NUF2: variants seen among roughly 807,000 people sequenced by gnomAD.
NUF2 encodes the protein NUF2 component of NDC80 kinetochore complex, also known as kinetochore protein Nuf2.
In NUF2, 34 loss-of-function variants were observed where a neutral mutation model predicts 61.8. That is an observed-to-expected ratio of 0.55 (90% confidence interval 0.42 to 0.73). NUF2 has a LOEUF of 0.73. NUF2 is among the 30% of genes least tolerant of loss of function. NUF2 has a pLI of 0.00. For synonymous variants in NUF2, 172 were observed against 181.6 expected (o/e 0.95, Z 0.42); for missense variants, 445 against 539.1 (o/e 0.83, Z 1.73).
intron 9 of NUF2, among the ~76,000 whole-genome samples, chr1:163,342,346 T>A (rs1278056250): frequency 6.6e-6 from 1 of 152,162 alleles, no homozygotes; most frequent in African/African-American, 2.4e-5. Flanking sequence ...CACTTTGTAC[T>A]TATTAAGTTT....
chr1:163,328,456 A>C, intron 4 of NUF2, 152 bp downstream of exon 4: 1 of 533,282 alleles, frequency 1.9e-6, no homozygotes, highest in Non-Finnish European at 3.3e-6. Flanking sequence ...TCAAAATTGT[A>C]GACTGTCATC....
At chr1:163,324,882 G>GTGTCT (rs1553230281) in intron 1 of NUF2, among the ~76,000 whole-genome samples, 1 of 69,598 alleles carries the variant, frequency 1.4e-5, no homozygotes, top group Non-Finnish European at 3.2e-5. Flanking sequence ...CTAGGACAAG[G>GTGTCT]TTTCTTTTCT....
chr1:163,352,722 C>T (rs902676503), intron 13 of NUF2, among the ~76,000 whole-genome samples: 11 of 152,068 alleles, frequency 7.2e-5, no homozygotes, highest in South Asian at 2.1e-4. Context: ...AAAAATTAGC[C>T]GGGCGTGGTG....
At chr1:163,337,665 C>A (rs1486035709) in intron 6 of NUF2, among the ~76,000 whole-genome samples, 2 of 152,054 alleles carry the variant, frequency 1.3e-5, no homozygotes, top group Non-Finnish European at 2.9e-5. Context: ...TTCTTCCCAG[C>A]CATTACCCAA....
chr1:163,348,539 AGG>A (rs1321926608), intron 12 of NUF2, among the ~76,000 whole-genome samples: 2 of 152,142 alleles, frequency 1.3e-5, no homozygotes, highest in Non-Finnish European at 2.9e-5. Context: ...CAGATGAAAA[AGG>A]GCAGAACTTA....
intron 5 of NUF2, among the ~76,000 whole-genome samples, chr1:163,329,958 A>T (rs777792666): frequency 3.9e-5 from 6 of 152,194 alleles, no homozygotes; most frequent in Non-Finnish European, 5.9e-5. Context: ...TGCAAAGCCT[A>T]CACAGCTATA....
intron 9 of NUF2, among the ~76,000 whole-genome samples, chr1:163,342,271 A>G (rs768015133): frequency 3.9e-5 from 6 of 152,010 alleles, no homozygotes; most frequent in Non-Finnish European, 7.4e-5. Flanking sequence ...TCTGAGTAGT[A>G]CTTACTATGG....
chr1:163,346,300 G>GTC (rs1203246759), intron 11 of NUF2: 2 of 152,012 alleles, frequency 1.3e-5, no homozygotes, highest in African/African-American at 2.4e-5. Context: ...TGTGAATGTG[G>GTC]TCTCTCTCTC....
chr1:163,329,820 G>A (rs1475083871), intron 5 of NUF2, among the ~76,000 whole-genome samples: 2 of 152,158 alleles, frequency 1.3e-5, no homozygotes, highest in Non-Finnish European at 2.9e-5. Context: ...AGTAGCCTTG[G>A]TGAATGAATA....
At chr1:163,333,050 C>A (rs1650649330) in intron 5 of NUF2, among the ~76,000 whole-genome samples, 1 of 152,130 alleles carries the variant, frequency 6.6e-6, no homozygotes, top group Admixed American at 6.5e-5. Flanking sequence ...GTTCTTTGAA[C>A]TGTTGATAGA....
At chr1:163,338,271 C>G (rs550156722) in intron 7 of NUF2, among the ~76,000 whole-genome samples, 178 bp downstream of exon 7, 22 of 143,790 alleles carry the variant, frequency 1.5e-4, no homozygotes, top group Admixed American at 7.6e-4. Context: ...AGTTTTTCTT[C>G]TAACTCTTAA....
intron 10 of NUF2, among the ~76,000 whole-genome samples, chr1:163,345,153 GA>G (rs1651080698): frequency 6.6e-6 from 1 of 151,902 alleles, no homozygotes; most frequent in South Asian, 2.1e-4. Context: ...GTAAGAAAAA[GA>G]AAAAAATAAG....
intron 7 of NUF2, 117 bp from the exon 8 acceptor site, chr1:163,339,264 G>A: frequency 1.6e-6 from 1 of 634,350 alleles, no homozygotes; most frequent in Non-Finnish European, 2.8e-6. Flanking sequence ...ATGAAAGGGT[G>A]TAATTCAGAA....
At chr1:163,349,161 T>A (rs1327072842) in intron 13 of NUF2, 81 bp downstream of exon 13, 8 of 1,211,668 alleles carry the variant, frequency 6.6e-6, no homozygotes, top group Non-Finnish European at 9.2e-6. Flanking sequence ...ACAGCTTACT[T>A]GGTCTCTGTG....
At chr1:163,335,552 G>T (rs539787686) in intron 5 of NUF2, among the ~76,000 whole-genome samples, 1 of 151,492 alleles carries the variant, frequency 6.6e-6, no homozygotes, top group African/African-American at 2.4e-5. Flanking sequence ...TGACTTTTAG[G>T]TGTTTGTTTT....
In NUF2 at chr1:163,326,191, T is replaced by A; in HGVS notation, c.123+17T>A. The A allele has an allele frequency of 6.2e-7, 1 of 1,610,036 alleles. No individual in the cohort carries two copies. Among genetic ancestry groups the A allele is most frequent in the Admixed American group, 1.7e-5 (1 of 59,784 alleles). ...AATCCAAAGGTAAAAGGTGGTTACG[T>A]TTGCATGTGGATAATGGTATTTAGG... On this transcript the variant is annotated intron_variant, in intron 2 of 13. Transcript: ENST00000271452.
intron 6 of NUF2, among the ~76,000 whole-genome samples, chr1:163,337,633 C>T (rs750917693): frequency 6.6e-6 from 1 of 152,088 alleles, no homozygotes; most frequent in Non-Finnish European, 1.5e-5. Context: ...ACATCTATCA[C>T]CTCTATGATG....
intron 13 of NUF2, 65 bp from the exon 14 acceptor site, chr1:163,355,270 A>G (rs1017541361): frequency 2.4e-6 from 3 of 1,249,028 alleles, no homozygotes; most frequent in Admixed American, 4.8e-5. Context: ...TGGAATTCTT[A>G]TAACTCATTT....
intron 11 of NUF2, 169 bp downstream of exon 11, chr1:163,345,987 A>C (rs1275545674): frequency 1.3e-5 from 6 of 467,650 alleles, no homozygotes; most frequent in African/African-American, 2.0e-5. Context: ...CTTTTTAAAC[A>C]TAGCAGTAGC....
Sources: allele counts gnomAD v4.1 joint callset (sites outside exome capture counted in the v4.1 genomes callset), GRCh38; gene constraint gnomAD v4.1.1; transcripts MANE v1.5; gene names NCBI Gene and HGNC (gene_info 2026-07-23, HGNC 2026-07-21).